The following RGS20 variants were observed in gnomAD, a reference collection of about 807,000 sequenced individuals.
RGS20 encodes regulator of G protein signaling 20, also known as gz-selective GTPase-activating protein.
A neutral mutation model predicts 33.6 loss-of-function variants in RGS20; 30 were observed. The ratio of observed to expected loss-of-function variants is 0.89; its 90% CI spans 0.67 to 1.21. The LOEUF is 1.21. RGS20 is among the 50% of genes most tolerant of loss of function. The pLI is 0.00. For missense variants in RGS20, 472 were observed against 502.4 expected (o/e 0.94, Z 0.58); for synonymous variants, 208 against 197.9 (o/e 1.05, Z -0.43).
intron 2 of RGS20, among the ~76,000 whole-genome samples, chr8:53,921,165 C>T (rs1813634734): frequency 6.6e-6 from 1 of 152,116 alleles, no homozygotes; most frequent in Non-Finnish European, 1.5e-5. Context: ...ACATTAAATT[C>T]TACTTAGTCA....
chr8:53,864,430 G>GAA lies in RGS20; in HGVS notation c.165+12386_165+12387dup, dbSNP rs754317203. On this transcript the variant is annotated intron_variant, in intron 1 of 5. Transcript: ENST00000297313. ...GCCTGGCGATAGAGCAAGACTCCAT[G>GAA]AAAAAAAAAAAAAAAAAAAAACTCA... is the stretch of plus-strand genomic sequence containing the variant. Among the ~76,000 whole-genome samples, 43 of 82,896 alleles carry GAA rather than the reference G, an allele frequency of 5.2e-4. 1 individual carries two copies. The highest frequency in any genetic ancestry group is 1.1e-3 in the Admixed American group (8 of 7,094). 54.4% of individuals were successfully genotyped at this position (82,896 alleles called of 152,430 possible).
intron 1 of RGS20, among the ~76,000 whole-genome samples, chr8:53,870,637 T>C (rs528464171): frequency 3.3e-5 from 5 of 152,182 alleles, no homozygotes; most frequent in Admixed American, 6.5e-5. Flanking sequence ...TTTCTAGGCT[T>C]TCCTCCTTGG....
At chr8:53,945,000 A>C (rs1232269687) in intron 3 of RGS20, among the ~76,000 whole-genome samples, 1 of 152,200 alleles carries the variant, frequency 6.6e-6, no homozygotes, top group Non-Finnish European at 1.5e-5. Flanking sequence ...GATCCCTCAA[A>C]TATTACCATG....
At chr8:53,940,785 G>T (rs1814267009) in intron 3 of RGS20, among the ~76,000 whole-genome samples, 2 of 152,210 alleles carry the variant, frequency 1.3e-5, no homozygotes, top group Admixed American at 1.3e-4. Flanking sequence ...CAGTGTCAAG[G>T]TGAGACTTCA....
In RGS20 at chr8:53,879,356, CCTT is replaced by C; in HGVS notation, c.267_269del (p.Leu90del). Reference sequence around the variant, plus strand: ...CCAGCCTCGCAAGGTTCTTCTCTCACCTTCTCCGGCGACCCCCTCCCGAGGCTC... The same window carrying C: ...CCAGCCTCGCAAGGTTCTTCTCTCACCTCCGGCGACCCCCTCCCGAGGCTC... On this transcript the variant is annotated inframe_deletion, in exon 2 of 6. Coordinates refer to ENST00000297313, the MANE Select transcript of RGS20 (RefSeq NM_170587.4). 1 of 1,612,030 alleles carries C rather than the reference CCTT, an allele frequency of 6.2e-7. No individual in the cohort carries two copies. Among genetic ancestry groups the C allele is most frequent in the Non-Finnish European group, 8.5e-7 (1 of 1,179,950 alleles).
chr8:53,852,230 T>G (rs943166275), intron 1 of RGS20, among the ~76,000 whole-genome samples: 1 of 152,262 alleles, frequency 6.6e-6, no homozygotes, highest in Non-Finnish European at 1.5e-5. Context: ...ACCTAGATGA[T>G]AATTACCTGA....
At chr8:53,867,200 G>A (rs916669314) in intron 1 of RGS20, among the ~76,000 whole-genome samples, 3 of 152,014 alleles carry the variant, frequency 2.0e-5, no homozygotes, top group African/African-American at 7.2e-5. Flanking sequence ...CTGGGAAAAC[G>A]TGACAACTCA....
At chr8:53,933,662 G>A in intron 2 of RGS20, 5 of 153,464 alleles carry the variant, frequency 3.3e-5, no homozygotes, top group Non-Finnish European at 4.4e-5. Flanking sequence ...CGGGGAGAAT[G>A]GAACCAAGTT....
Position 53,879,357 on chromosome 8 carries a change from CT to C in RGS20, c.267del (p.Leu90SerfsTer58), listed in dbSNP as rs1812284523. On this transcript the variant is annotated frameshift_variant, in exon 2 of 6. Transcript: ENST00000297313. LOFTEE classifies it high-confidence loss of function. ...CAGCCTCGCAAGGTTCTTCTCTCAC[CT>C]TCTCCGGCGACCCCCTCCCGAGGCT... is the stretch of plus-strand genomic sequence containing the variant. 1 of 1,611,966 alleles carries C rather than the reference CT, an allele frequency of 6.2e-7. No homozygotes were observed. The highest frequency in any genetic ancestry group is 8.5e-7 in the Non-Finnish European group (1 of 1,179,962).
chr8:53,885,974 G>A (rs903142235), intron 2 of RGS20, among the ~76,000 whole-genome samples: 10 of 152,264 alleles, frequency 6.6e-5, no homozygotes, highest in Middle Eastern at 3.4e-3. Flanking sequence ...GAAATCACAT[G>A]TGTCAAGTTA....
intron 1 of RGS20, among the ~76,000 whole-genome samples, chr8:53,863,239 G>A (rs1478431064): frequency 3.3e-5 from 5 of 151,970 alleles, no homozygotes; most frequent in African/African-American, 7.3e-5. Context: ...CGCCCGCCTC[G>A]GCCTCCCAAA....
chr8:53,880,193 C>T (rs575091992), intron 2 of RGS20: 2 of 152,692 alleles, frequency 1.3e-5, no homozygotes, highest in East Asian at 1.9e-4. Context: ...TCCCGCTGCC[C>T]CCTGGTCTAC....
At chr8:53,895,927 A>G (rs942250842) in intron 2 of RGS20, among the ~76,000 whole-genome samples, 2 of 151,384 alleles carry the variant, frequency 1.3e-5, no homozygotes, top group Non-Finnish European at 2.9e-5. Context: ...GTTTACAGGC[A>G]TGAGCCACCA....
chr8:53,897,759 T>A (rs1000214834), intron 2 of RGS20, among the ~76,000 whole-genome samples: 25 of 152,364 alleles, frequency 1.6e-4, no homozygotes, highest in African/African-American at 5.8e-4. Context: ...TGTTCCTGTA[T>A]TCCCTAAATT....
chr8:53,946,800 C>A (rs761554448), intron 4 of RGS20, 52 bp downstream of exon 3: 23 of 1,416,082 alleles, frequency 1.6e-5, no homozygotes, highest in Non-Finnish European at 2.0e-5. Flanking sequence ...ATACTAACCT[C>A]TTTCTTTTCT....
At chr8:53,920,538 C>G (rs1395275124) in intron 2 of RGS20, among the ~76,000 whole-genome samples, 1 of 151,930 alleles carries the variant, frequency 6.6e-6, no homozygotes, top group Non-Finnish European at 1.5e-5. Context: ...TTTTTCTTGC[C>G]TTACTGCCGA....
At chr8:53,854,609 G>T (rs901516043) in intron 1 of RGS20, among the ~76,000 whole-genome samples, 3 of 151,402 alleles carry the variant, frequency 2.0e-5, no homozygotes, top group African/African-American at 4.8e-5. Context: ...GGCTAAAATT[G>T]TGACAACACC....
At chr8:53,871,459 A>G (rs1812064434) in intron 1 of RGS20, among the ~76,000 whole-genome samples, 1 of 152,110 alleles carries the variant, frequency 6.6e-6, no homozygotes, top group East Asian at 1.9e-4. Context: ...TCTACTAAAA[A>G]CACAAAAATT....
intron 2 of RGS20, among the ~76,000 whole-genome samples, chr8:53,905,758 G>C (rs1322212628): frequency 1.3e-5 from 2 of 152,174 alleles, no homozygotes; most frequent in Non-Finnish European, 2.9e-5. Context: ...CAGCAGGTCT[G>C]TTTTTCTAAC....
Sources: gnomAD v4.1 joint callset for allele counts (sites outside exome capture counted in the v4.1 genomes callset) on GRCh38, gnomAD v4.1.1 for gene constraint, MANE v1.5 for transcripts, NCBI Gene and HGNC (gene_info 2026-07-23, HGNC 2026-07-21) for gene names.